GRIK2: variants seen among roughly 807,000 people sequenced by gnomAD.
GRIK2 encodes the protein glutamate receptor ionotropic, kainate 2.
In GRIK2, 32 loss-of-function variants were observed where a neutral mutation model predicts 100.3. The ratio of observed to expected loss-of-function variants is 0.32; its 90% confidence interval spans 0.24 to 0.43. The LOEUF (loss-of-function observed/expected upper bound fraction) is 0.43. GRIK2 is among the 20% of genes least tolerant of loss of function. GRIK2 has a pLI of 1.00. For missense variants in GRIK2, 843 were observed against 1,114.9 expected (o/e 0.76, Z 3.47); for synonymous variants, 417 against 389.4 (o/e 1.07, Z -0.83).
chr6:101,537,752 C>G (rs1775785871), intron 2 of GRIK2, among the ~76,000 whole-genome samples: 1 of 151,664 alleles, frequency 6.6e-6, no homozygotes, highest in Non-Finnish European at 1.5e-5. Flanking sequence ...AATGATGCAG[C>G]TGGAGAGGAA....
chr6:101,526,843 A>G (rs1775181820), intron 2 of GRIK2, among the ~76,000 whole-genome samples: 1 of 152,150 alleles, frequency 6.6e-6, no homozygotes, highest in Non-Finnish European at 1.5e-5. Context: ...GGTTCGGAGG[A>G]GGCAACACTT....
chr6:101,810,397 T>C (rs1562405518), intron 9 of GRIK2, among the ~76,000 whole-genome samples: 1 of 152,070 alleles, frequency 6.6e-6, no homozygotes, highest in Non-Finnish European at 1.5e-5. Flanking sequence ...GATTATATAC[T>C]TACTGATTTA....
At chr6:101,425,905 C>G (rs1271911412) in intron 2 of GRIK2, among the ~76,000 whole-genome samples, 2 of 152,162 alleles carry the variant, frequency 1.3e-5, no homozygotes, top group Non-Finnish European at 2.9e-5. Flanking sequence ...ATTGGCAAGT[C>G]TCACTAGCAC....
At chr6:101,766,950 G>A (rs746916314) in intron 7 of GRIK2, among the ~76,000 whole-genome samples, 3 of 152,022 alleles carry the variant, frequency 2.0e-5, no homozygotes, top group Non-Finnish European at 4.4e-5. Flanking sequence ...GTGTCCAAAG[G>A]GATTGTCTTT....
intron 10 of GRIK2, among the ~76,000 whole-genome samples, chr6:101,836,539 TA>T (rs539752677): frequency 6.6e-6 from 1 of 150,800 alleles, no homozygotes; most frequent in South Asian, 2.1e-4. Context: ...AATTCATCTT[TA>T]ACTTTTTAAA....
At chr6:101,512,057 C>T (rs1173171451) in intron 2 of GRIK2, among the ~76,000 whole-genome samples, 1 of 148,178 alleles carries the variant, frequency 6.7e-6, no homozygotes, top group Non-Finnish European at 1.5e-5. Flanking sequence ...AAGATACATA[C>T]ATATATATAT....
At chr6:101,589,281 C>T (rs1254276068) in intron 2 of GRIK2, among the ~76,000 whole-genome samples, 1 of 152,104 alleles carries the variant, frequency 6.6e-6, no homozygotes, top group Non-Finnish European at 1.5e-5. Context: ...TATGCATTAA[C>T]TCACATAGTT....
intron 4 of GRIK2, among the ~76,000 whole-genome samples, chr6:101,656,009 T>C (rs755866298): frequency 6.6e-6 from 1 of 151,868 alleles, no homozygotes; most frequent in Non-Finnish European, 1.5e-5. Context: ...GTGATAGATA[T>C]GATAAATGGC....
At chr6:101,832,484 G>C (rs1380088464) in intron 10 of GRIK2, among the ~76,000 whole-genome samples, 1 of 152,024 alleles carries the variant, frequency 6.6e-6, no homozygotes, top group East Asian at 1.9e-4. Context: ...TAAAAGTTAG[G>C]CCATAAGAAT....
chr6:101,622,706 G>T (rs901504124), intron 3 of GRIK2, among the ~76,000 whole-genome samples: 4 of 151,780 alleles, frequency 2.6e-5, no homozygotes, highest in African/African-American at 9.7e-5. Context: ...GACATAATTA[G>T]AATACTTTAT....
chr6:101,411,727 G>C (rs1370374923), intron 2 of GRIK2, among the ~76,000 whole-genome samples: 1 of 152,056 alleles, frequency 6.6e-6, no homozygotes, highest in African/African-American at 2.4e-5. Context: ...AGAACACAGA[G>C]TGTTGGACTC....
intron 2 of GRIK2, among the ~76,000 whole-genome samples, chr6:101,405,079 C>T (rs890831069): frequency 2.3e-4 from 35 of 151,906 alleles, no homozygotes; most frequent in Middle Eastern, 3.4e-3. Context: ...CAACTCTTAC[C>T]GAACAAGAAT....
chr6:101,565,442 C>T (rs1310251421), intron 2 of GRIK2, among the ~76,000 whole-genome samples: 1 of 151,936 alleles, frequency 6.6e-6, no homozygotes, highest in Non-Finnish European at 1.5e-5. Flanking sequence ...GAATATAATT[C>T]TAAAGATAAA....
intron 2 of GRIK2, among the ~76,000 whole-genome samples, chr6:101,612,469 T>C (rs1333203983): frequency 6.6e-6 from 1 of 152,002 alleles, no homozygotes; most frequent in East Asian, 1.9e-4. Flanking sequence ...AAATGTTGAC[T>C]GTTAGGAACT....
intron 9 of GRIK2, among the ~76,000 whole-genome samples, chr6:101,818,051 G>T (rs2128421763): frequency 6.6e-6 from 1 of 152,244 alleles, no homozygotes; most frequent in East Asian, 1.9e-4. Context: ...AAAGATGTAT[G>T]CCATTAATGA....
intron 2 of GRIK2, among the ~76,000 whole-genome samples, chr6:101,478,576 C>T (rs1473968616): frequency 4.1e-5 from 6 of 147,836 alleles, no homozygotes; most frequent in African/African-American, 1.0e-4. Context: ...TGCAGTGGCG[C>T]GATCTCAGCT....
At chr6:101,414,647 C>T (rs1776032755) in intron 2 of GRIK2, among the ~76,000 whole-genome samples, 1 of 152,126 alleles carries the variant, frequency 6.6e-6, no homozygotes, top group East Asian at 1.9e-4. Flanking sequence ...TGTTGTTTTG[C>T]ATGATCTAAA....
chr6:101,638,950 C>T (rs943402362), intron 4 of GRIK2, among the ~76,000 whole-genome samples: 12 of 152,106 alleles, frequency 7.9e-5, no homozygotes, highest in Non-Finnish European at 1.6e-4. Flanking sequence ...TTGCACCACC[C>T]TACTCCAGCC....
chr6:102,044,683 G>T (rs1178258147), intron 15 of GRIK2, among the ~76,000 whole-genome samples: 1 of 151,968 alleles, frequency 6.6e-6, no homozygotes, highest in Non-Finnish European at 1.5e-5. Context: ...TTCAAAATGA[G>T]ATTTGGGTGG....
Sources: gnomAD v4.1 joint callset for allele counts (sites outside exome capture counted in the v4.1 genomes callset) on GRCh38, gnomAD v4.1.1 for gene constraint, MANE v1.5 for transcripts, NCBI Gene and HGNC (gene_info 2026-07-23, HGNC 2026-07-21) for gene names.